The following CDK5RAP2 variants were observed in gnomAD, a reference collection of about 807,000 sequenced individuals.
CDK5RAP2 encodes CDK5 regulatory subunit associated protein 2.
Under a neutral mutation model 232.9 loss-of-function variants are expected in CDK5RAP2, and 147 were observed. The observed-to-expected ratio is 0.63, with a 90% CI of 0.55 to 0.72. The LOEUF (loss-of-function observed/expected upper bound fraction) is 0.72, where lower values mean the gene tolerates loss of function less well. Ranked by LOEUF, CDK5RAP2 falls within the 30% of genes least tolerant of loss-of-function variation. The pLI, the probability that CDK5RAP2 is intolerant of heterozygous loss-of-function variation, is 0.00. For missense variants in CDK5RAP2, 2,195 were observed against 2,231.5 expected (o/e 0.98, Z 0.33); for synonymous variants, 833 against 833.7 (o/e 1.00, Z 0.01).
chr9:120,572,655 A>T (rs897912380), intron 1 of CDK5RAP2, among the ~76,000 whole-genome samples: 5 of 152,206 alleles, frequency 3.3e-5, no homozygotes, highest in African/African-American at 1.2e-4. Context: ...CCATAATAGG[A>T]GGTGTGGTGT....
At chr9:120,497,942 G>C (rs1175045655) in intron 12 of CDK5RAP2, among the ~76,000 whole-genome samples, 1 of 152,182 alleles carries the variant, frequency 6.6e-6, no homozygotes, top group Non-Finnish European at 1.5e-5. Flanking sequence ...GGCTTGGATA[G>C]AATCCAGGGC....
In CDK5RAP2 at chr9:120,403,158, G is replaced by GCCTCTTCTAGCCCTC; in HGVS notation, c.5042-88_5042-87insGAGGGCTAGAAGAGG. 1 of 1,415,766 alleles carries GCCTCTTCTAGCCCTC rather than the reference G, an allele frequency of 7.1e-7. No homozygotes were observed. Among genetic ancestry groups the GCCTCTTCTAGCCCTC allele is most frequent in the Non-Finnish European group, 9.9e-7 (1 of 1,007,690 alleles). The allele number at this position is 1,415,766 out of a possible 1,614,324, so 87.7% of individuals were successfully genotyped here. ...TATGATGTTGAAGCTAGCTAGGAGG[G>GCCTCTTCTAGCCCTC]CTAGAAGAGGCCCTCGTGCCCAAAT... On this transcript the variant is annotated intron_variant, in intron 33 of 37. Coordinates refer to ENST00000349780, the MANE Select transcript of CDK5RAP2 (RefSeq NM_018249.6). The surrounding 1 kb of genome is among the most constrained non-coding windows in gnomAD (Gnocchi z 4.2).
chr9:120,507,930 AAAAAAAAAAAAAATAT>A (rs1395870527), intron 12 of CDK5RAP2, among the ~76,000 whole-genome samples: 27 of 72,062 alleles, frequency 3.7e-4, no homozygotes, highest in South Asian at 8.7e-4. Context: ...AAAAAAAAAA[AAAAAAAAAAAAAATAT>A]ATATATATAT....
intron 12 of CDK5RAP2, among the ~76,000 whole-genome samples, chr9:120,512,219 C>T (rs566395890): frequency 8.5e-5 from 13 of 152,234 alleles, no homozygotes; most frequent in African/African-American, 2.9e-4. Flanking sequence ...TGTGGTAGTG[C>T]ATGTCTATAG....
chr9:120,572,889 T>C (rs906980199), intron 1 of CDK5RAP2, among the ~76,000 whole-genome samples: 1 of 152,246 alleles, frequency 6.6e-6, no homozygotes, highest in African/African-American at 2.4e-5. Flanking sequence ...TTACCATCAT[T>C]AGAATTGCCT....
At chr9:120,563,014 G>A (rs772490395) in intron 3 of CDK5RAP2, among the ~76,000 whole-genome samples, 5 of 152,160 alleles carry the variant, frequency 3.3e-5, no homozygotes, top group Non-Finnish European at 7.3e-5. Context: ...TGTTAAGCAA[G>A]TACACTAATA....
rs144511800 is a variant in CDK5RAP2 at position 120,517,512 on chromosome 9, G to A, written c.1311+915C>T. Among the ~76,000 whole-genome samples, 267 of 152,236 alleles carry A rather than the reference G, an allele frequency of 1.8e-3. 3 individuals carry two copies. The South Asian group carries it at 0.018, about 10-fold the overall frequency. On this transcript the variant is annotated intron_variant, in intron 12 of 37. Transcript: ENST00000349780. ...TCCTACCTGATTGCAACAAGGCTACGTATCTGGATGTGACTCTCAGGAGGG... is the reference window on the plus strand; with the variant it reads ...TCCTACCTGATTGCAACAAGGCTACATATCTGGATGTGACTCTCAGGAGGG...
At chr9:120,496,764 C>T (rs1353447823) in intron 12 of CDK5RAP2, among the ~76,000 whole-genome samples, 4 of 133,054 alleles carry the variant, frequency 3.0e-5, no homozygotes, top group African/African-American at 6.6e-5. Context: ...CCCGGCCAGC[C>T]GCCCCGTCCA....
intron 27 of CDK5RAP2, among the ~76,000 whole-genome samples, chr9:120,417,804 T>G (rs1395401895): frequency 1.3e-5 from 2 of 150,198 alleles, no homozygotes; most frequent in African/African-American, 4.9e-5. Context: ...AAAAAAAAAG[T>G]GTGTATCTCT....
intron 12 of CDK5RAP2, among the ~76,000 whole-genome samples, chr9:120,491,993 T>C (rs114909550): frequency 0.017 from 2,539 of 152,244 alleles, 74 homozygotes; most frequent in African/African-American, 0.057. Flanking sequence ...TAAATAATCC[T>C]GTATTATCTT....
chr9:120,559,570 G>GAAAAAAAA, intron 3 of CDK5RAP2, among the ~76,000 whole-genome samples: 1 of 60,820 alleles, frequency 1.6e-5, no homozygotes, highest in Non-Finnish European at 3.6e-5. Flanking sequence ...AGAGAAACAA[G>GAAAAAAAA]AAAAAAAAAA....
chr9:120,480,550 A>G (rs1588447141), intron 14 of CDK5RAP2, among the ~76,000 whole-genome samples: 4 of 152,224 alleles, frequency 2.6e-5, no homozygotes, highest in African/African-American at 9.7e-5. Flanking sequence ...TTAACATATT[A>G]ATAAAGAAGC....
chr9:120,478,285 G>T (rs2038124615), intron 14 of CDK5RAP2, among the ~76,000 whole-genome samples: 2 of 152,192 alleles, frequency 1.3e-5, no homozygotes, highest in African/African-American at 4.8e-5. Context: ...TTAGGACAAG[G>T]AAAATCAGGA....
chr9:120,513,857 G>A (rs767277443), intron 12 of CDK5RAP2, among the ~76,000 whole-genome samples: 1 of 152,204 alleles, frequency 6.6e-6, no homozygotes, highest in African/African-American at 2.4e-5. Flanking sequence ...GTAGCAGCTG[G>A]TGAGTAGGAG....
At position 120,518,734 on chromosome 9, in the gene CDK5RAP2, GA is replaced by G. The variant is rs1375726490; in HGVS notation, c.1093-90del. The G allele has an allele frequency of 2.7e-5, 26 of 963,966 alleles. No homozygotes were observed. In the South Asian group the frequency reaches 3.1e-4, roughly 12 times the overall value. The allele number at this position is 963,966 out of a possible 1,614,324, so 59.7% of individuals were successfully genotyped here. On this transcript the variant is annotated intron_variant, in intron 11 of 37. Transcript: ENST00000349780. ...ACCTGGGCTCTTTTTCGCCGTGGGG[GA>G]AAAAAAGAAAAGAAAAAGATTAACA...
chr9:120,498,525 A>G (rs940600565), intron 12 of CDK5RAP2, among the ~76,000 whole-genome samples: 3 of 152,218 alleles, frequency 2.0e-5, no homozygotes, highest in Admixed American at 6.5e-5. Flanking sequence ...AGGGTCACTC[A>G]TGGGAAAACT....
chr9:120,468,225 T>C (rs1052609591), intron 17 of CDK5RAP2, among the ~76,000 whole-genome samples: 1 of 152,196 alleles, frequency 6.6e-6, no homozygotes, highest in Non-Finnish European at 1.5e-5. Flanking sequence ...GGCAAAAAGA[T>C]CCTGGGCAAA....
At chr9:120,485,479 G>C (rs1031451826) in intron 14 of CDK5RAP2, among the ~76,000 whole-genome samples, 10 of 152,046 alleles carry the variant, frequency 6.6e-5, no homozygotes, top group African/African-American at 2.4e-4. Flanking sequence ...ATTTTTAGTA[G>C]AGACGGGGTT....
intron 1 of CDK5RAP2, among the ~76,000 whole-genome samples, chr9:120,573,911 A>G (rs753247592): frequency 4.6e-5 from 7 of 152,208 alleles, no homozygotes; most frequent in Non-Finnish European, 8.8e-5. Flanking sequence ...CAGAAGCCCA[A>G]GGTCACATAC....
Sources: gnomAD v4.1 joint callset for allele counts (sites outside exome capture counted in the v4.1 genomes callset) on GRCh38, gnomAD v4.1.1 for gene constraint, Gnocchi (gnomAD v3.1) non-coding constraint, MANE v1.5 for transcripts, NCBI Gene and HGNC (gene_info 2026-07-23, HGNC 2026-07-21) for gene names.